Variants in TOGARAM1 observed in about 807,000 individuals in gnomAD.
The protein encoded by TOGARAM1 is TOG array regulator of axonemal microtubules protein 1.
TOGARAM1 carries 100 observed loss-of-function variants against 166.6 expected under a neutral mutation model. That is an observed-to-expected ratio of 0.60 (90% confidence interval 0.51 to 0.71). The LOEUF is 0.71. Ranked by LOEUF, TOGARAM1 falls within the 30% of genes least tolerant of loss-of-function variation. TOGARAM1 has a pLI of 0.00. For synonymous variants in TOGARAM1, 758 were observed against 763.8 expected (o/e 0.99, Z 0.13); for missense variants, 2,029 against 2,102.7 (o/e 0.96, Z 0.69).
intron 16 of TOGARAM1, among the ~76,000 whole-genome samples, chr14:45,058,181 T>C (rs939165059): frequency 2.0e-5 from 3 of 152,212 alleles, no homozygotes; most frequent in African/African-American, 7.2e-5. Flanking sequence ...ATTCATCCCT[T>C]ATCATTATCA....
chr14:44,980,252 T>A (rs75121536), intron 1 of TOGARAM1, among the ~76,000 whole-genome samples: 5,983 of 152,324 alleles, frequency 0.039, 199 homozygotes, highest in East Asian at 0.11. Flanking sequence ...CATGTAGGAT[T>A]GGTTAGTGAC....
chr14:44,996,280 C>T (rs1032461864), intron 2 of TOGARAM1: 23 of 152,894 alleles, frequency 1.5e-4, no homozygotes, highest in African/African-American at 5.6e-4. Context: ...GAAAACAAAG[C>T]GAAAGAAGGC....
intron 19 of TOGARAM1, 21 bp from the exon 20 acceptor site, chr14:45,073,275 T>C (rs1166011409): frequency 1.9e-6 from 3 of 1,593,150 alleles, no homozygotes; most frequent in Non-Finnish European, 2.6e-6. Context: ...AAACCCTGTT[T>C]TTTATATTTT....
intron 16 of TOGARAM1, among the ~76,000 whole-genome samples, chr14:45,054,765 C>T (rs140162529): frequency 1.3e-5 from 2 of 152,052 alleles, no homozygotes; most frequent in East Asian, 3.8e-4. Flanking sequence ...ATTAGCAATG[C>T]TTTAGTGTTA....
chr14:45,046,595 T>G lies in TOGARAM1; in HGVS notation c.4205T>G (p.Val1402Gly). Reference sequence around the variant, plus strand: ...TGTACAGCCCAGCATTTATCAGATGTATTGGAATTTATGGAACCAGAACGT... The same window carrying G: ...TGTACAGCCCAGCATTTATCAGATGGATTGGAATTTATGGAACCAGAACGT... The part of the protein sequence containing the change: ...RRCTAQHLSD[V>G]LEFMEPERIL... Residue 1402 changes from valine to glycine, a missense_variant, in exon 14 of 20, where the codon GTA becomes GGA. Val to Gly is a moderately radical substitution (Grantham distance 109). This residue lies in a region of TOGARAM1 where 576 missense variants were observed against 670.5 expected (regional missense o/e 0.86). Transcript: ENST00000361462. 7.1e-7 allele frequency: 1 copy of G among 1,411,372 alleles called. No individual in the cohort carries two copies. The highest frequency in any genetic ancestry group is 9.3e-7 in the Non-Finnish European group (1 of 1,076,322). The allele number at this position is 1,411,372 out of a possible 1,614,324, so 87.4% of individuals were successfully genotyped here.
intron 1 of TOGARAM1, among the ~76,000 whole-genome samples, chr14:44,970,276 A>G (rs1293558127): frequency 6.6e-6 from 1 of 152,220 alleles, no homozygotes; most frequent in Non-Finnish European, 1.5e-5. Flanking sequence ...ATTTAGATTG[A>G]AATATCCTAC....
chr14:44,962,531 G>T lies in TOGARAM1; in HGVS notation c.110G>T (p.Arg37Leu), dbSNP rs769944355. 1 of 1,613,664 alleles carries T rather than the reference G, an allele frequency of 6.2e-7. No individual in the cohort carries two copies. Among genetic ancestry groups the T allele is most frequent in the Non-Finnish European group, 8.5e-7 (1 of 1,179,938 alleles). Residue 37 changes from arginine to leucine, a missense_variant, in exon 1 of 20, where the codon CGA (arginine) becomes CTA (leucine). By Grantham distance (102) the Arg-to-Leu change is moderately radical. Around this residue, in one of 2 missense-constraint regions of TOGARAM1, gnomAD observed 1,453 missense variants for 1,432.2 expected, o/e 1.01. Transcript: ENST00000361462. ...RPSAPETDDS[R>L]VGGIMRGEKN... ...TCCGCCCCAGAGACCGATGATAGTCGAGTTGGGGGCATTATGAGAGGAGAG... is the reference window on the plus strand; with the variant it reads ...TCCGCCCCAGAGACCGATGATAGTCTAGTTGGGGGCATTATGAGAGGAGAG...
rs939554210 is a variant in TOGARAM1 at position 45,048,549 on chromosome 14, C to T, written c.4313+1846C>T. On this transcript the variant is annotated intron_variant, in intron 14 of 19. Transcript: ENST00000361462. The stretch of plus-strand genomic sequence containing the variant: ...CAAATGTAGGAGCTTAAGGCAACCA[C>T]ATTTTTTGGCTTAGAGTTCTTTAGG... Among the ~76,000 whole-genome samples, 8 of 152,266 alleles carry T rather than the reference C, an allele frequency of 5.3e-5. No homozygotes were observed. In the East Asian group the frequency reaches 5.8e-4, roughly 11 times the overall value.
At chr14:45,065,634 T>C (rs903663964) in intron 16 of TOGARAM1, among the ~76,000 whole-genome samples, 4 of 152,182 alleles carry the variant, frequency 2.6e-5, no homozygotes, top group African/African-American at 9.7e-5. Context: ...TAGTTTCTCA[T>C]TGTCCCATGA....
Position 44,962,227 on chromosome 14 carries a change from G to T in TOGARAM1, c.-195G>T, listed in dbSNP as rs563816431. The T allele has an allele frequency of 8.0e-5, 45 of 559,640 alleles. 2 individuals are homozygous for T. In the South Asian group the frequency reaches 1.4e-3, roughly 18 times the overall value. 34.7% of individuals were successfully genotyped at this position (559,640 alleles called of 1,614,324 possible). On this transcript the variant is annotated 5_prime_UTR_variant, in exon 1 of 20. Transcript: ENST00000361462. ...TGGTTACGCCCGGTGGCAGCTGTGGGGTCTAGGGCTCAGACGGGGGCCATT... is the reference window on the plus strand; with the variant it reads ...TGGTTACGCCCGGTGGCAGCTGTGGTGTCTAGGGCTCAGACGGGGGCCATT...
At chr14:45,065,469 G>T (rs1334623565) in intron 16 of TOGARAM1, among the ~76,000 whole-genome samples, 2 of 152,208 alleles carry the variant, frequency 1.3e-5, no homozygotes, top group Non-Finnish European at 2.9e-5. Flanking sequence ...TTATGAATTT[G>T]TGTTAGGCTG....
intron 11 of TOGARAM1, 67 bp downstream of exon 11, chr14:45,032,443 A>G (rs1196370975): frequency 7.2e-7 from 1 of 1,384,958 alleles, no homozygotes; most frequent in Admixed American, 2.4e-5. Flanking sequence ...ATTTAATTAA[A>G]AATCTTGAAA....
chr14:45,019,491 T>G (rs1880364492), intron 7 of TOGARAM1, among the ~76,000 whole-genome samples: 1 of 152,132 alleles, frequency 6.6e-6, no homozygotes, highest in Admixed American at 6.5e-5. Flanking sequence ...TTTTTGCAGT[T>G]GCAAGATTTA....
At chr14:44,992,820 T>C (rs942512756) in intron 1 of TOGARAM1, among the ~76,000 whole-genome samples, 5 of 151,654 alleles carry the variant, frequency 3.3e-5, no homozygotes, top group Admixed American at 2.6e-4. Flanking sequence ...GTTTTCACCG[T>C]GTTAGCCAGG....
chr14:44,993,598 G>C (rs140297064), intron 1 of TOGARAM1, among the ~76,000 whole-genome samples: 3 of 151,668 alleles, frequency 2.0e-5, no homozygotes, highest in Non-Finnish European at 2.9e-5. Context: ...CTTTTTCTTC[G>C]TTCATTGTTT....
intron 7 of TOGARAM1, among the ~76,000 whole-genome samples, chr14:45,021,738 G>A (rs773945527): frequency 1.1e-4 from 16 of 152,180 alleles, no homozygotes; most frequent in Non-Finnish European, 2.4e-4. Flanking sequence ...TAGGGATGGG[G>A]AATCAGAAGG....
At chr14:44,995,035 T>G (rs141968307) in intron 1 of TOGARAM1, among the ~76,000 whole-genome samples, 1 of 152,288 alleles carries the variant, frequency 6.6e-6, no homozygotes, top group African/African-American at 2.4e-5. Context: ...TCCGGGACAA[T>G]TGAGGTCATC....
At chr14:44,982,207 A>G (rs954510807) in intron 1 of TOGARAM1, among the ~76,000 whole-genome samples, 5 of 152,096 alleles carry the variant, frequency 3.3e-5, no homozygotes, top group African/African-American at 9.7e-5. Context: ...ATTTAATATT[A>G]TATAATATCG....
Position 44,963,017 on chromosome 14 carries a change from C to T in TOGARAM1, c.596C>T (p.Ala199Val). 6.2e-7 allele frequency: 1 copy of T among 1,614,164 alleles called. No homozygotes were observed. The highest frequency in any genetic ancestry group is 8.5e-7 in the Non-Finnish European group (1 of 1,180,032). Residue 199 changes from alanine (A) to valine (V), a missense_variant, in exon 1 of 20, where the codon GCG (alanine) becomes GTG (valine). Ala to Val is a moderately conservative substitution (Grantham distance 64, BLOSUM62 0). This residue lies in a region of TOGARAM1 where 1,453 missense variants were observed against 1,432.2 expected (regional missense o/e 1.01). Transcript: ENST00000361462. Reference sequence around the variant, plus strand: ...GAGAATCCAGCCCTGCGGAAAGATGCGCTGCAGATCCTTCATATATGTCTG... The same window carrying T: ...GAGAATCCAGCCCTGCGGAAAGATGTGCTGCAGATCCTTCATATATGTCTG... ...REENPALRKDALQILHICLKR... is the reference protein window; with the variant it reads ...REENPALRKDVLQILHICLKR...
Sources: gnomAD v4.1 joint callset for allele counts (sites outside exome capture counted in the v4.1 genomes callset) on GRCh38, gnomAD v4.1.1 for gene constraint, gnomAD v4.1.1 regional missense constraint, MANE v1.5 for transcripts, NCBI Gene and HGNC (gene_info 2026-07-23, HGNC 2026-07-21) for gene names.